Variants in ZFHX3 observed in about 807,000 individuals in gnomAD.
ZFHX3 encodes the protein zinc finger homeobox 3.
A neutral mutation model predicts 279.1 loss-of-function variants in ZFHX3; 42 were observed. That is an observed-to-expected ratio of 0.15 (90% CI 0.12 to 0.19). The LOEUF (loss-of-function observed/expected upper bound fraction) is 0.19. Ranked by LOEUF, ZFHX3 falls within the 10% of genes least tolerant of loss-of-function variation. The pLI is 1.00. For missense variants in ZFHX3, 4,981 were observed against 4,754.0 expected, an observed-to-expected ratio of 1.05 and a Z score of -1.40; for synonymous variants, 2,293 against 1,957.8, an observed-to-expected ratio of 1.17 and a Z score of -4.52.
At chr16:73,006,365 A>T (rs1963701136) in intron 1 of ZFHX3, among the ~76,000 whole-genome samples, 1 of 152,162 alleles carries the variant, frequency 6.6e-6, no homozygotes, top group Non-Finnish European at 1.5e-5. Context: ...GCTCAAGCCT[A>T]TAATCCCAGA....
At chr16:73,426,517 G>T (rs1349344504) in intron 3 of ZFHX3, among the ~76,000 whole-genome samples, 1 of 152,086 alleles carries the variant, frequency 6.6e-6, no homozygotes, top group Non-Finnish European at 1.5e-5. Flanking sequence ...GACAGAGTTT[G>T]AATGCAGTTC....
chr16:73,831,703 A>G (rs1961001816), intron 1 of ZFHX3, among the ~76,000 whole-genome samples: 1 of 152,206 alleles, frequency 6.6e-6, no homozygotes, highest in African/African-American at 2.4e-5. Context: ...GATTATTTTC[A>G]ACTCATTGGT....
chr16:72,807,766 C>T (rs966214408), intron 7 of ZFHX3: 9 of 152,308 alleles, frequency 5.9e-5, no homozygotes, highest in African/African-American at 2.2e-4. Flanking sequence ...CACCCCATGT[C>T]TGCCAGGAAT....
At chr16:72,941,913 TACTC>T (rs1395086581) in intron 3 of ZFHX3, among the ~76,000 whole-genome samples, 2 of 152,190 alleles carry the variant, frequency 1.3e-5, no homozygotes, top group Non-Finnish European at 2.9e-5. Flanking sequence ...AATATATACT[TACTC>T]AATACTACCG....
At chr16:73,183,811 C>T (rs1237992238) in intron 5 of ZFHX3, among the ~76,000 whole-genome samples, 2 of 151,958 alleles carry the variant, frequency 1.3e-5, no homozygotes, top group Admixed American at 1.3e-4. Context: ...ATGACGATTT[C>T]GGGAGCTGGG....
rs541322937 is a variant in ZFHX3 at position 73,519,297 on chromosome 16, T to C, written c.-1546-63039A>G. ...TAAACCCATTTCTTCTTCAGTTATC[T>C]GGGATTAAACATTCAACATTTAATC... On this transcript the variant is annotated intron_variant, in intron 2 of 17. Transcript: ENST00000641206. Among the ~76,000 whole-genome samples, 3 of 152,366 alleles carry C rather than the reference T, an allele frequency of 2.0e-5. No homozygotes were observed. The South Asian group carries it at 6.2e-4, about 32-fold the overall frequency.
chr16:73,522,187 A>G (rs533778530), intron 2 of ZFHX3, among the ~76,000 whole-genome samples: 14 of 152,248 alleles, frequency 9.2e-5, no homozygotes, highest in Non-Finnish European at 1.5e-4. Flanking sequence ...TAATTGTGAA[A>G]AATTGGGAAC....
chr16:73,595,271 G>C (rs540757260), intron 2 of ZFHX3, among the ~76,000 whole-genome samples: 1 of 152,078 alleles, frequency 6.6e-6, no homozygotes, highest in Non-Finnish European at 1.5e-5. Context: ...CTCTTCTTCC[G>C]GGTCAGCACA....
intron 2 of ZFHX3, among the ~76,000 whole-genome samples, chr16:73,564,435 T>G (rs2020421548): frequency 6.6e-6 from 1 of 152,188 alleles, no homozygotes; most frequent in Admixed American, 6.5e-5. Context: ...AAGATGGGCC[T>G]TGCTTTCTCT....
chr16:73,009,781 G>C (rs1391198732), intron 1 of ZFHX3, among the ~76,000 whole-genome samples: 1 of 152,114 alleles, frequency 6.6e-6, no homozygotes, highest in Non-Finnish European at 1.5e-5. Context: ...AGCACTTTCA[G>C]AGGCCGACGC....
chr16:73,013,918 G>A (rs990618675), intron 1 of ZFHX3, among the ~76,000 whole-genome samples: 8 of 152,100 alleles, frequency 5.3e-5, no homozygotes, highest in South Asian at 2.1e-4. Context: ...CCTAATATCC[G>A]TAACCTACAA....
intron 9 of ZFHX3, among the ~76,000 whole-genome samples, chr16:72,792,889 T>A (rs2035761283): frequency 6.6e-6 from 1 of 152,252 alleles, no homozygotes; most frequent in Non-Finnish European, 1.5e-5. Context: ...TCAGGTGTCT[T>A]ATATTTACAA....
chr16:73,337,517 T>G (rs895115810), intron 3 of ZFHX3, among the ~76,000 whole-genome samples: 6 of 152,120 alleles, frequency 3.9e-5, no homozygotes, highest in African/African-American at 1.4e-4. Flanking sequence ...CACTGTGCAC[T>G]GAATCCTCCT....
At chr16:73,117,911 T>C (rs1309141422) in intron 7 of ZFHX3, among the ~76,000 whole-genome samples, 1 of 152,250 alleles carries the variant, frequency 6.6e-6, no homozygotes, top group Non-Finnish European at 1.5e-5. Context: ...CCAAATCTGC[T>C]GGTGCCTTCA....
chr16:73,805,868 C>A (rs12918591), intron 1 of ZFHX3, among the ~76,000 whole-genome samples: 2 of 152,156 alleles, frequency 1.3e-5, no homozygotes, highest in Admixed American at 1.3e-4. Context: ...GAAGGCCTCT[C>A]TGAGAAGGTG....
chr16:73,356,095 C>G (rs1344531896), intron 3 of ZFHX3, among the ~76,000 whole-genome samples: 1 of 152,162 alleles, frequency 6.6e-6, no homozygotes, highest in African/African-American at 2.4e-5. Context: ...AAGAAGAGAT[C>G]CAGGCCAAGA....
intron 1 of ZFHX3, among the ~76,000 whole-genome samples, chr16:73,787,762 G>A (rs917764329): frequency 6.6e-6 from 1 of 151,212 alleles, no homozygotes; most frequent in Non-Finnish European, 1.5e-5. Flanking sequence ...CCCAACACTG[G>A]ATAGGCCTAC....
intron 3 of ZFHX3, among the ~76,000 whole-genome samples, chr16:73,358,232 C>T (rs1295245536): frequency 6.6e-6 from 1 of 152,232 alleles, no homozygotes; most frequent in African/African-American, 2.4e-5. Flanking sequence ...AGTCCCCTCC[C>T]CTCGAGTGTG....
intron 3 of ZFHX3, among the ~76,000 whole-genome samples, chr16:72,942,565 G>C (rs1960462372): frequency 6.6e-6 from 1 of 152,204 alleles, no homozygotes; most frequent in African/African-American, 2.4e-5. Context: ...CCTCCTTGCT[G>C]CTCAGCCTAA....
Sources: gnomAD v4.1 joint callset for allele counts (sites outside exome capture counted in the v4.1 genomes callset) on GRCh38, gnomAD v4.1.1 for gene constraint, MANE v1.5 for transcripts, NCBI Gene and HGNC (gene_info 2026-07-23, HGNC 2026-07-21) for gene names.